Variants in LPCAT1 observed in about 807,000 individuals in gnomAD.
LPCAT1 encodes lysophosphatidylcholine acyltransferase 1.
A neutral mutation model predicts 60.9 loss-of-function variants in LPCAT1; 23 were observed. That is an observed-to-expected ratio of 0.38 (90% CI 0.27 to 0.53). The LOEUF (loss-of-function observed/expected upper bound fraction) is 0.53, where lower values mean the gene tolerates loss of function less well. Ranked by LOEUF, LPCAT1 falls within the 20% of genes least tolerant of loss-of-function variation. The probability of loss-of-function intolerance (pLI) is 0.82; values close to 1 mark genes in which losing one functional copy is unlikely to be tolerated. For missense variants in LPCAT1, 622 were observed against 723.6 expected, an observed-to-expected ratio of 0.86 and a Z score of 1.61; for synonymous variants, 340 against 301.1, an observed-to-expected ratio of 1.13 and a Z score of -1.34.
rs1002971837 is a variant in LPCAT1 at position 1,521,852 on chromosome 5, AG to A, written c.135+1857del. Among the ~76,000 whole-genome samples, 1 of 152,210 alleles carries A rather than the reference AG, an allele frequency of 6.6e-6. No homozygotes were observed. The highest frequency in any genetic ancestry group is 1.5e-5 in the Non-Finnish European group (1 of 68,030). ...ACCCTGAGGTCTCGGGGAGGAAAGC[AG>A]GCCCCTCTGGGCACTCTGGCAGTGC... On this transcript the variant is annotated intron_variant, in intron 1 of 13. Coordinates refer to ENST00000283415, the MANE Select transcript of LPCAT1 (RefSeq NM_024830.5). The surrounding 1 kb of genome is among the most constrained non-coding windows in gnomAD (Gnocchi z 4.3).
intron 5 of LPCAT1, among the ~76,000 whole-genome samples, chr5:1,484,514 G>A (rs897109710): frequency 3.3e-5 from 5 of 152,204 alleles, no homozygotes; most frequent in East Asian, 1.9e-4. Context: ...CCCAGGCAGC[G>A]CGTTCCTCCC....
At chr5:1,478,016 C>T (rs1734993884) in intron 8 of LPCAT1, among the ~76,000 whole-genome samples, 1 of 152,292 alleles carries the variant, frequency 6.6e-6, no homozygotes, top group Non-Finnish European at 1.5e-5. Context: ...GAACATCCAG[C>T]TCCCTGATCT....
In LPCAT1 at chr5:1,462,644, T is replaced by C. The variant is rs1291151923; in HGVS notation, c.*1007A>G. ...CGCCAGTCACCATGGAAACCAGGGC[T>C]GACAGGAAGATGCAGCCGCTTCCAG... On this transcript the variant is annotated 3_prime_UTR_variant, in exon 14 of 14. Transcript: ENST00000283415. 1 of 152,262 alleles carries C rather than the reference T, an allele frequency of 6.6e-6. No individual in the cohort carries two copies. Among genetic ancestry groups the C allele is most frequent in the Non-Finnish European group, 1.5e-5 (1 of 68,046 alleles). 9.4% of individuals were successfully genotyped at this position (152,262 alleles called of 1,614,324 possible).
rs1232091047 is a variant in LPCAT1, at chr5:1,523,294, G to A, written c.135+416C>T. Among the ~76,000 whole-genome samples, 2 of 151,946 alleles carry A rather than the reference G, an allele frequency of 1.3e-5. No individual in the cohort carries two copies. Among genetic ancestry groups the A allele is most frequent in the Non-Finnish European group, 2.9e-5 (2 of 67,974 alleles). ...GCGCGCAGGGCCTGCCAAGGCGGGCGGGGCCCGGACCAGGGACGAGCGCGG... is the reference window on the plus strand; with the variant it reads ...GCGCGCAGGGCCTGCCAAGGCGGGCAGGGCCCGGACCAGGGACGAGCGCGG... On this transcript the variant is annotated intron_variant, in intron 1 of 13. Coordinates refer to ENST00000283415, the MANE Select transcript of LPCAT1 (RefSeq NM_024830.5). This position sits in a 1 kb window ranked among gnomAD's most constrained non-coding sequence, Gnocchi z 7.1.
In LPCAT1 at chr5:1,523,236, G is replaced by T. The variant is rs1736727865; in HGVS notation, c.135+474C>A. On this transcript the variant is annotated intron_variant, in intron 1 of 13. Transcript: ENST00000283415. This position sits in a 1 kb window ranked among gnomAD's most constrained non-coding sequence, Gnocchi z 7.1. The stretch of plus-strand genomic sequence containing the variant: ...CGGTGCCCTCCCGCCCGCGGGCCGC[G>T]TCCAGGCAAAGCCGCTCCGGAGTCC... Among the ~76,000 whole-genome samples the T allele has an allele frequency of 6.6e-6, 1 of 152,044 alleles. No homozygotes were observed. The highest frequency in any genetic ancestry group is 6.5e-5 in the Admixed American group (1 of 15,268).
chr5:1,489,734 T>A lies in LPCAT1; in HGVS notation c.606+12A>T. ...AAAACCACTGAAACACAATCAGGGC[T>A]ACGTGCATTACCTGTGGCCACTTTC... is the stretch of plus-strand genomic sequence containing the variant. On this transcript the variant is annotated intron_variant, in intron 4 of 13. Coordinates refer to ENST00000283415, the MANE Select transcript of LPCAT1 (RefSeq NM_024830.5). 1 of 1,550,262 alleles carries A rather than the reference T, an allele frequency of 6.5e-7. No individual in the cohort carries two copies. Among genetic ancestry groups the A allele is most frequent in the Non-Finnish European group, 8.9e-7 (1 of 1,121,598 alleles).
chr5:1,469,063 G>A (rs1560950305), intron 12 of LPCAT1, among the ~76,000 whole-genome samples: 1 of 152,240 alleles, frequency 6.6e-6, no homozygotes, highest in Non-Finnish European at 1.5e-5. Context: ...GAGGAAGGCA[G>A]GGCATATGCC....
chr5:1,520,805 G>A (rs1298130348), intron 1 of LPCAT1, among the ~76,000 whole-genome samples: 1 of 142,376 alleles, frequency 7.0e-6, no homozygotes, highest in Middle Eastern at 3.9e-3. Flanking sequence ...AGAGCTTGTA[G>A]TGAGCCGATA....
At chr5:1,466,992 G>C in intron 12 of LPCAT1, 102 bp from the exon 13 acceptor site, 1 of 1,266,806 alleles carries the variant, frequency 7.9e-7, no homozygotes, top group Non-Finnish European at 1.0e-6. Context: ...TGTCAGAGCT[G>C]CTGGGCACCT....
At chr5:1,471,191 G>A (rs1483490941) in intron 11 of LPCAT1, among the ~76,000 whole-genome samples, 3 of 152,200 alleles carry the variant, frequency 2.0e-5, no homozygotes, top group Non-Finnish European at 4.4e-5. Context: ...AAGCACACGC[G>A]ATGCAATGCC....
At chr5:1,464,202 C>G (rs1734229217) in intron 13 of LPCAT1, among the ~76,000 whole-genome samples, 1 of 152,240 alleles carries the variant, frequency 6.6e-6, no homozygotes, top group Admixed American at 6.5e-5. Flanking sequence ...GGACAGTGAT[C>G]TGGCGCTCTG....
At chr5:1,491,872 A>G (rs1158920923) in intron 3 of LPCAT1, among the ~76,000 whole-genome samples, 4 of 152,232 alleles carry the variant, frequency 2.6e-5, no homozygotes, top group Admixed American at 2.0e-4. Context: ...AAAAATGAAA[A>G]TATTTTGAAC....
chr5:1,509,187 G>A (rs1039648013), intron 1 of LPCAT1, among the ~76,000 whole-genome samples: 9 of 152,286 alleles, frequency 5.9e-5, no homozygotes, highest in African/African-American at 9.6e-5. Context: ...GCGAGGCCGC[G>A]TCATCCCGCA....
chr5:1,483,559 G>A lies in LPCAT1; in HGVS notation c.668-73C>T. 7 of 1,503,812 alleles carry A rather than the reference G, an allele frequency of 4.7e-6. No individual in the cohort carries two copies. The highest frequency in any genetic ancestry group is 1.4e-5 in the African/African-American group (1 of 72,658). 93.2% of individuals were successfully genotyped at this position (1,503,812 alleles called of 1,614,324 possible). ...CAGCGTCTGCTGCGTTTCTCATGCT[G>A]CCCTTGGGATAAAAGTGAGCTTTTC... On this transcript the variant is annotated intron_variant, in intron 5 of 13. Transcript: ENST00000283415. This position sits in a 1 kb window ranked among gnomAD's most constrained non-coding sequence, Gnocchi z 9.2.
At chr5:1,468,771 C>T (rs1734546315) in intron 12 of LPCAT1, among the ~76,000 whole-genome samples, 1 of 152,240 alleles carries the variant, frequency 6.6e-6, no homozygotes, top group African/African-American at 2.4e-5. Context: ...CCGGCGTGTG[C>T]CTCTGGGGTC....
At chr5:1,465,340 CTA>C (rs1579747822) in intron 13 of LPCAT1, among the ~76,000 whole-genome samples, 1 of 93,730 alleles carries the variant, frequency 1.1e-5, no homozygotes, top group Admixed American at 1.1e-4. Flanking sequence ...CACACAGTAA[CTA>C]AACACACATG....
chr5:1,511,090 G>A (rs1736341660), intron 1 of LPCAT1, among the ~76,000 whole-genome samples: 1 of 152,210 alleles, frequency 6.6e-6, no homozygotes, highest in Non-Finnish European at 1.5e-5. Context: ...CCCTAAGACG[G>A]CACTGAAGCC....
At chr5:1,473,214 T>C (rs1701603299) in intron 11 of LPCAT1, among the ~76,000 whole-genome samples, 1 of 152,176 alleles carries the variant, frequency 6.6e-6, no homozygotes, top group Admixed American at 6.5e-5. Flanking sequence ...ACACGGGACA[T>C]CTCATGCTGT....
chr5:1,520,400 T>C (rs1325243345), intron 1 of LPCAT1, among the ~76,000 whole-genome samples: 1 of 152,124 alleles, frequency 6.6e-6, no homozygotes, highest in African/African-American at 2.4e-5. Flanking sequence ...ATCATAATCC[T>C]CTCTGTGGAT....
Sources: gnomAD v4.1 joint callset for allele counts (sites outside exome capture counted in the v4.1 genomes callset) on GRCh38, gnomAD v4.1.1 for gene constraint, Gnocchi (gnomAD v3.1) non-coding constraint, MANE v1.5 for transcripts, NCBI Gene and HGNC (gene_info 2026-07-23, HGNC 2026-07-21) for gene names.